The following GABRG3 variants were observed in gnomAD, a reference collection of about 807,000 sequenced individuals.
GABRG3 encodes the protein gamma-aminobutyric acid receptor subunit gamma-3.
In GABRG3, 25 loss-of-function variants were observed where a neutral mutation model predicts 48.8. That is an observed-to-expected ratio of 0.51 (90% CI 0.37 to 0.72). The LOEUF (loss-of-function observed/expected upper bound fraction) is 0.72. Among genes scored for constraint, GABRG3 ranks in the 30% least tolerant of loss-of-function variants. The probability of loss-of-function intolerance (pLI) is 0.00; values close to 1 mark genes in which losing one functional copy is unlikely to be tolerated. For missense variants in GABRG3, 394 were observed against 577.9 expected, an observed-to-expected ratio of 0.68 and a Z score of 3.26; for synonymous variants, 227 against 217.6, an observed-to-expected ratio of 1.04 and a Z score of -0.38.
At chr15:27,108,243 T>C (rs1279748239) in intron 3 of GABRG3, among the ~76,000 whole-genome samples, 1 of 152,184 alleles carries the variant, frequency 6.6e-6, no homozygotes. Flanking sequence ...AATTTTGATC[T>C]TTATTTTGTT....
At position 27,084,133 on chromosome 15, in the gene GABRG3, C is replaced by T. The variant is rs12438498; in HGVS notation, c.270+57312C>T. ...CGTCTTGCCTCAACCACTTTGCTCACGCTCCATCCTCCAGCTGAACTGCTC... is the reference window on the plus strand; with the variant it reads ...CGTCTTGCCTCAACCACTTTGCTCATGCTCCATCCTCCAGCTGAACTGCTC... On this transcript the variant is annotated intron_variant, in intron 3 of 9. Transcript: ENST00000615808. Among the ~76,000 whole-genome samples, 212 of 152,318 alleles carry T rather than the reference C, an allele frequency of 1.4e-3. 1 individual carries two copies. The highest frequency in any genetic ancestry group is 9.7e-3 in the East Asian group (50 of 5,172).
intron 8 of GABRG3, 133 bp downstream of exon 8, chr15:27,527,762 C>G: frequency 9.7e-7 from 1 of 1,035,138 alleles, no homozygotes; most frequent in South Asian, 1.6e-5. Context: ...CAAGACTTTT[C>G]AAAACCAGAC....
At position 27,398,666 on chromosome 15, in the gene GABRG3, G is replaced by GCACACACACACACA. The variant is rs111910385; in HGVS notation, c.574+69788_574+69801dup. 7.9e-3 allele frequency among the ~76,000 whole-genome samples: 1,160 copies of GCACACACACACACA among 147,292 alleles called. 10 individuals carry two copies. The highest frequency in any genetic ancestry group is 0.027 in the African/African-American group (1,082 of 40,232). On this transcript the variant is annotated intron_variant, in intron 5 of 9. Coordinates refer to ENST00000615808, the MANE Select transcript of GABRG3 (RefSeq NM_033223.5). ...TGGGTAGGGGAGATGACAAGCGCGCGCACACACACACACACACACACACCC... is the reference window on the plus strand; with the variant it reads ...TGGGTAGGGGAGATGACAAGCGCGCGCACACACACACACACACACACACACACACACACACACCC...
At chr15:27,078,449 C>T (rs1238016809) in intron 3 of GABRG3, among the ~76,000 whole-genome samples, 5 of 152,164 alleles carry the variant, frequency 3.3e-5, no homozygotes, top group South Asian at 4.1e-4. Context: ...TTTAGCTCTT[C>T]TATATGCTAT....
At chr15:27,123,145 T>G (rs930852966) in intron 3 of GABRG3, among the ~76,000 whole-genome samples, 1 of 152,254 alleles carries the variant, frequency 6.6e-6, no homozygotes, top group African/African-American at 2.4e-5. Flanking sequence ...CAGTGAAACT[T>G]TAATTGAAGG....
chr15:27,405,292 A>G (rs1391238275), intron 5 of GABRG3, among the ~76,000 whole-genome samples: 1 of 152,244 alleles, frequency 6.6e-6, no homozygotes, highest in African/African-American at 2.4e-5. Context: ...CTCTATGACC[A>G]CTAAATCCAT....
At chr15:27,220,674 A>G (rs1220348804) in intron 3 of GABRG3, among the ~76,000 whole-genome samples, 1 of 152,166 alleles carries the variant, frequency 6.6e-6, no homozygotes, top group East Asian at 1.9e-4. Flanking sequence ...GAACATCTGC[A>G]ACTCTAACCT....
chr15:27,231,036 TGTG>T (rs1889780879), intron 3 of GABRG3, among the ~76,000 whole-genome samples: 1 of 151,846 alleles, frequency 6.6e-6, no homozygotes, highest in African/African-American at 2.4e-5. Context: ...TGTGTGTGTG[TGTG>T]TGTGTGTGTG....
At chr15:27,267,358 C>T (rs185139074) in intron 3 of GABRG3, among the ~76,000 whole-genome samples, 1 of 152,042 alleles carries the variant, frequency 6.6e-6, no homozygotes, top group African/African-American at 2.4e-5. Flanking sequence ...CTGCCTGCCT[C>T]AGTCTCCCAA....
intron 3 of GABRG3, among the ~76,000 whole-genome samples, chr15:27,255,274 G>C (rs1473785039): frequency 1.3e-5 from 2 of 152,162 alleles, no homozygotes; most frequent in African/African-American, 4.8e-5. Flanking sequence ...ATTCCTCCTC[G>C]AGAATGTCCT....
chr15:27,193,492 C>G (rs1045298492), intron 3 of GABRG3, among the ~76,000 whole-genome samples: 5 of 151,266 alleles, frequency 3.3e-5, no homozygotes, highest in African/African-American at 9.7e-5. Flanking sequence ...TAGCAATCAG[C>G]GAGACTCCGT....
At chr15:27,297,265 A>G (rs1892024818) in intron 3 of GABRG3, among the ~76,000 whole-genome samples, 1 of 152,152 alleles carries the variant, frequency 6.6e-6, no homozygotes, top group Non-Finnish European at 1.5e-5. Context: ...TAATTATTGA[A>G]TAAATAAAAA....
chr15:27,243,980 A>G (rs1890202993), intron 3 of GABRG3, among the ~76,000 whole-genome samples: 1 of 152,200 alleles, frequency 6.6e-6, no homozygotes, highest in Non-Finnish European at 1.5e-5. Context: ...ATATTTACTA[A>G]GTATAGGGTG....
chr15:27,218,484 TG>T (rs1889339921), intron 3 of GABRG3, among the ~76,000 whole-genome samples: 1 of 152,190 alleles, frequency 6.6e-6, no homozygotes, highest in Admixed American at 6.5e-5. Flanking sequence ...TGACATATTT[TG>T]GGGTGATGTC....
intron 3 of GABRG3, among the ~76,000 whole-genome samples, chr15:27,028,805 C>CAAAAAA (rs35610809): frequency 9.8e-6 from 1 of 102,556 alleles, no homozygotes; most frequent in Non-Finnish European, 1.9e-5. Flanking sequence ...GACTTCATCT[C>CAAAAAA]AAAAAAAAAA....
intron 3 of GABRG3, among the ~76,000 whole-genome samples, chr15:27,114,508 C>T (rs1416307882): frequency 6.6e-6 from 1 of 152,164 alleles, no homozygotes; most frequent in Non-Finnish European, 1.5e-5. Flanking sequence ...ACATGCATAA[C>T]AGTCCCAGTA....
rs192190838 is a variant in GABRG3, at chr15:27,358,562, C to T, written c.574+29674C>T. The stretch of plus-strand genomic sequence containing the variant: ...TGCCAACGTAGGAGAAGGCTCTGCC[C>T]TCACCTAGCAGGTCTGATGGAAGCC... On this transcript the variant is annotated intron_variant, in intron 5 of 9. Transcript: ENST00000615808. Among the ~76,000 whole-genome samples the T allele has an allele frequency of 8.8e-4, 134 of 152,120 alleles. 1 individual carries two copies. The East Asian group carries it at 0.015, about 17-fold the overall frequency.
chr15:27,192,770 C>T (rs1159532631), intron 3 of GABRG3, among the ~76,000 whole-genome samples: 2 of 152,206 alleles, frequency 1.3e-5, no homozygotes, highest in African/African-American at 2.4e-5. Flanking sequence ...GAACTGTGAT[C>T]CTTTGGAGGA....
At chr15:27,516,384 G>C (rs74755785) in intron 6 of GABRG3, among the ~76,000 whole-genome samples, 2,337 of 152,216 alleles carry the variant, frequency 0.015, 64 homozygotes, top group African/African-American at 0.054. Context: ...TACTTCCTTT[G>C]GTGTTTCCAA....
Sources: gnomAD v4.1 joint callset for allele counts (sites outside exome capture counted in the v4.1 genomes callset) on GRCh38, gnomAD v4.1.1 for gene constraint, MANE v1.5 for transcripts, NCBI Gene and HGNC (gene_info 2026-07-23, HGNC 2026-07-21) for gene names.